NAALADL2: variants seen among roughly 807,000 people sequenced by gnomAD.
NAALADL2 encodes the protein N-acetylated alpha-linked acidic dipeptidase like 2, also known as inactive N-acetylated-alpha-linked acidic dipeptidase-like protein 2.
NAALADL2 carries 76 observed loss-of-function variants against 87.2 expected under a neutral mutation model. The ratio of observed to expected loss-of-function variants is 0.87; its 90% confidence interval spans 0.72 to 1.05. The LOEUF is 1.05. NAALADL2 is among the 50% of genes least tolerant of loss of function. NAALADL2 has a pLI of 0.00. For missense variants in NAALADL2, 1,089 were observed against 945.8 expected, an observed-to-expected ratio of 1.15 and a Z score of -1.99; for synonymous variants, 354 against 331.0, an observed-to-expected ratio of 1.07 and a Z score of -0.75.
chr3:175,056,447 TCCAA>T (rs1173283582), intron 1 of NAALADL2, among the ~76,000 whole-genome samples: 1 of 152,276 alleles, frequency 6.6e-6, no homozygotes, highest in African/African-American at 2.4e-5. Context: ...TTCCACATTC[TCCAA>T]CCATCTCTCC....
intron 1 of NAALADL2, among the ~76,000 whole-genome samples, chr3:174,518,737 C>A (rs962727720): frequency 6.6e-6 from 1 of 152,228 alleles, no homozygotes; most frequent in Non-Finnish European, 1.5e-5. Context: ...AGCCTCTTTC[C>A]CTACCCATTT....
At chr3:175,338,587 C>T (rs1488827257) in intron 5 of NAALADL2, among the ~76,000 whole-genome samples, 2 of 22,018 alleles carry the variant, frequency 9.1e-5, no homozygotes, top group African/African-American at 3.5e-4. Flanking sequence ...TATAAAAATA[C>T]AAAAACCAAA....
intron 2 of NAALADL2, among the ~76,000 whole-genome samples, chr3:175,178,018 A>G (rs1735940220): frequency 6.6e-6 from 1 of 152,098 alleles, no homozygotes; most frequent in South Asian, 2.1e-4. Flanking sequence ...GCATGGATTC[A>G]GGAGCCAGAC....
At chr3:174,864,125 G>A (rs750565656) in intron 1 of NAALADL2, 4 of 452,422 alleles carry the variant, frequency 8.8e-6, no homozygotes, top group South Asian at 6.3e-5. Flanking sequence ...TTAGGCAAAG[G>A]TGCATGTGAA....
intron 5 of NAALADL2, among the ~76,000 whole-genome samples, chr3:175,360,438 A>G (rs1764858667): frequency 6.6e-6 from 1 of 152,104 alleles, no homozygotes; most frequent in Admixed American, 6.6e-5. Context: ...CAGCCTAATA[A>G]TTCCCTTTGC....
intron 2 of NAALADL2, among the ~76,000 whole-genome samples, chr3:174,623,774 A>T (rs1346749537): frequency 3.3e-5 from 5 of 152,042 alleles, no homozygotes; most frequent in Non-Finnish European, 7.4e-5. Context: ...AATATTTTTG[A>T]TGCTTTTATT....
At position 175,385,115 on chromosome 3, in the gene NAALADL2, A is replaced by T. The variant is rs1006094173; in HGVS notation, c.1090+60790A>T. Among the ~76,000 whole-genome samples the T allele has an allele frequency of 2.6e-5, 4 of 152,250 alleles. No homozygotes were observed. In the East Asian group the frequency reaches 7.7e-4, roughly 29 times the overall value. On this transcript the variant is annotated intron_variant, in intron 5 of 13. Coordinates refer to ENST00000454872, the MANE Select transcript of NAALADL2 (RefSeq NM_207015.3). ...TGATTAACCTGAACATTCAAGCTTCAGGCACTTATTTCATCATCTAACTCA... is the reference window on the plus strand; with the variant it reads ...TGATTAACCTGAACATTCAAGCTTCTGGCACTTATTTCATCATCTAACTCA...
chr3:175,691,819 T>C (rs373069467), intron 11 of NAALADL2, among the ~76,000 whole-genome samples: 4 of 152,278 alleles, frequency 2.6e-5, no homozygotes, highest in African/African-American at 7.2e-5. Flanking sequence ...AGAGCAATAT[T>C]AAACTTGTGT....
At chr3:175,282,356 A>G (rs981355145) in intron 4 of NAALADL2, among the ~76,000 whole-genome samples, 2 of 152,074 alleles carry the variant, frequency 1.3e-5, no homozygotes, top group African/African-American at 4.8e-5. Context: ...TGCTTTAAAG[A>G]ACACTTAACA....
chr3:175,729,960 A>G lies in NAALADL2; in HGVS notation c.1897-7346A>G, dbSNP rs1039966532. Among the ~76,000 whole-genome samples the G allele has an allele frequency of 4.6e-5, 7 of 152,118 alleles. No individual in the cohort carries two copies. The South Asian group carries it at 8.3e-4, about 18-fold the overall frequency. On this transcript the variant is annotated intron_variant, in intron 11 of 13. Coordinates refer to ENST00000454872, the MANE Select transcript of NAALADL2 (RefSeq NM_207015.3). ...TTAACTTACAGCTTAAATGAAAGGTATAAACTATGGTTACTTTAATCTGGG... is the reference window on the plus strand; with the variant it reads ...TTAACTTACAGCTTAAATGAAAGGTGTAAACTATGGTTACTTTAATCTGGG...
chr3:175,208,003 G>A (rs1000284819), intron 2 of NAALADL2, among the ~76,000 whole-genome samples: 4 of 152,090 alleles, frequency 2.6e-5, no homozygotes, highest in African/African-American at 9.7e-5. Flanking sequence ...GGAAAGAAAT[G>A]TAAAGCACTC....
At position 175,085,396 on chromosome 3, in the gene NAALADL2, G is replaced by T. The variant is rs139243037; in HGVS notation, c.44-11394G>T. Among the ~76,000 whole-genome samples, 5 of 152,256 alleles carry T rather than the reference G, an allele frequency of 3.3e-5. No individual in the cohort carries two copies. In the East Asian group the frequency reaches 7.7e-4, roughly 23 times the overall value. On this transcript the variant is annotated intron_variant, in intron 1 of 13. Transcript: ENST00000454872. ...GCTTATAACTTGTGTTGCAGTGCAT[G>T]TTCCTATTTTTATTGTTATCATAAT...
At chr3:175,070,004 G>T (rs1046191772) in intron 1 of NAALADL2, among the ~76,000 whole-genome samples, 1 of 141,574 alleles carries the variant, frequency 7.1e-6, no homozygotes, top group Non-Finnish European at 1.5e-5. Context: ...ACACTCTGGG[G>T]ACTGTTGTGG....
chr3:175,160,747 A>T (rs1451429972), intron 2 of NAALADL2, among the ~76,000 whole-genome samples: 1 of 152,178 alleles, frequency 6.6e-6, no homozygotes, highest in Admixed American at 6.5e-5. Flanking sequence ...AAATAATTAT[A>T]ATCTGGAATA....
intron 11 of NAALADL2, among the ~76,000 whole-genome samples, chr3:175,732,882 AAC>A (rs1172215270): frequency 5.9e-5 from 9 of 151,506 alleles, no homozygotes; most frequent in Admixed American, 5.9e-4. Context: ...GGAGGGGAAC[AAC>A]ACACGCTGGG....
intron 1 of NAALADL2, among the ~76,000 whole-genome samples, chr3:174,521,592 A>AAAAAG (rs1560027874): frequency 2.0e-5 from 3 of 150,704 alleles, no homozygotes; most frequent in Non-Finnish European, 3.0e-5. Context: ...AAAAAAAAAA[A>AAAAAG]AAAAGAAAAG....
At chr3:174,560,977 C>T (rs764014611) in intron 2 of NAALADL2, among the ~76,000 whole-genome samples, 1 of 152,116 alleles carries the variant, frequency 6.6e-6, no homozygotes, top group Non-Finnish European at 1.5e-5. Flanking sequence ...TTTTAAGTAA[C>T]ACCTGTTAAA....
intron 3 of NAALADL2, among the ~76,000 whole-genome samples, chr3:174,839,522 C>A (rs1224451836): frequency 2.0e-5 from 3 of 152,052 alleles, no homozygotes; most frequent in African/African-American, 7.2e-5. Flanking sequence ...AGAGCTTTTG[C>A]ATGCCAAAAA....
chr3:175,405,826 C>T (rs1373531651), intron 5 of NAALADL2, among the ~76,000 whole-genome samples: 5 of 152,226 alleles, frequency 3.3e-5, no homozygotes, highest in African/African-American at 9.6e-5. Context: ...TAATTAACTT[C>T]GTTTTAATAT....
Sources: allele counts gnomAD v4.1 joint callset (sites outside exome capture counted in the v4.1 genomes callset), GRCh38; gene constraint gnomAD v4.1.1; transcripts MANE v1.5; gene names NCBI Gene and HGNC (gene_info 2026-07-23, HGNC 2026-07-21).